ACCSL: variants seen among roughly 807,000 people sequenced by gnomAD.
The protein encoded by ACCSL is probable inactive 1-aminocyclopropane-1-carboxylate synthase-like protein 2.
In ACCSL, 55 loss-of-function variants were observed where a neutral mutation model predicts 61.7. That is an observed-to-expected ratio of 0.89 (90% CI 0.72 to 1.12). The LOEUF is 1.12. Among genes scored for constraint, ACCSL ranks in the 50% most tolerant of loss-of-function variants. The pLI, the probability that ACCSL is intolerant of heterozygous loss-of-function variation, is 0.00. For missense variants in ACCSL, 632 were observed against 698.0 expected (o/e 0.91, Z 1.07); for synonymous variants, 258 against 264.3 (o/e 0.98, Z 0.23).
intron 5 of ACCSL, among the ~76,000 whole-genome samples, chr11:44,052,117 C>A (rs1205425882): frequency 1.3e-5 from 2 of 152,206 alleles, no homozygotes; most frequent in African/African-American, 4.8e-5. Context: ...CTGTTCTGAA[C>A]CTCCCCGGTA....
At chr11:43,992,054 C>CTTTT in the ACCSL span, among the ~76,000 whole-genome samples, 16 of 114,142 alleles carry the variant, frequency 1.4e-4, no homozygotes, top group Non-Finnish European at 1.9e-4. Flanking sequence ...TTCTTTCTTT[C>CTTTT]TTTTTTTTTT....
intron 5 of ACCSL, 71 bp from the exon 6 acceptor site, chr11:44,052,591 T>G: frequency 2.3e-6 from 3 of 1,328,740 alleles, no homozygotes; most frequent in Non-Finnish European, 3.2e-6. Flanking sequence ...GCTTTGCTAG[T>G]TTGGGGAGCC....
the ACCSL span, chr11:43,944,374 G>T: frequency 6.4e-6 from 1 of 156,370 alleles, no homozygotes; most frequent in Non-Finnish European, 1.4e-5. Flanking sequence ...TCGAGAGTGT[G>T]GGTGCGCGCT....
At chr11:44,042,566 C>T in the ACCSL span, among the ~76,000 whole-genome samples, 2 of 151,832 alleles carry the variant, frequency 1.3e-5, no homozygotes, top group African/African-American at 2.4e-5. Flanking sequence ...CATTCTCTTG[C>T]CTCAGCCTCC....
At chr11:44,025,901 A>T in the ACCSL span, among the ~76,000 whole-genome samples, 2 of 152,202 alleles carry the variant, frequency 1.3e-5, no homozygotes, top group Non-Finnish European at 2.9e-5. Context: ...TTCTGATGAA[A>T]AGTCAACTGC....
upstream of ACCSL, among the ~76,000 whole-genome samples, chr11:44,043,212 T>C (rs983405819): frequency 6.6e-6 from 1 of 152,188 alleles, no homozygotes; most frequent in African/African-American, 2.4e-5. Context: ...GCTATCACCA[T>C]CTACCTACCA....
At chr11:43,943,166 G>T in the ACCSL span, 1 of 1,504,930 alleles carries the variant, frequency 6.6e-7, no homozygotes, top group Admixed American at 2.3e-5. The surrounding 1 kb of genome is among the most constrained non-coding windows in gnomAD (Gnocchi z 4.8). Context: ...GCAGAGCCTG[G>T]AGTGCCTGCG....
At chr11:44,006,063 G>T in the ACCSL span, among the ~76,000 whole-genome samples, 307 of 152,308 alleles carry the variant, frequency 2.0e-3, 2 homozygotes, top group East Asian at 0.03. Context: ...CGACCTCCAG[G>T]GTTCCAGCCT....
the ACCSL span, among the ~76,000 whole-genome samples, chr11:43,993,068 C>A: frequency 7.3e-6 from 1 of 137,832 alleles, no homozygotes; most frequent in Non-Finnish European, 1.7e-5. Flanking sequence ...TGTGCTAGAG[C>A]GGAATCACAG....
rs934310225 is a variant in ACCSL, at chr11:44,054,205, A to T, written c.1049+699A>T. On this transcript the variant is annotated intron_variant, in intron 8 of 13. Transcript: ENST00000378832. The stretch of plus-strand genomic sequence containing the variant: ...TGAAGACGTGTTCCTATAGAACTTC[A>T]CATTCCTTTCTAAGAGCACGTTCTA... Among the ~76,000 whole-genome samples, 21 of 152,306 alleles carry T rather than the reference A, an allele frequency of 1.4e-4. No homozygotes were observed. The East Asian group carries it at 3.9e-3, about 28-fold the overall frequency.
chr11:44,054,984 AG>A (rs989842930), intron 8 of ACCSL, among the ~76,000 whole-genome samples: 9 of 152,088 alleles, frequency 5.9e-5, no homozygotes, highest in African/African-American at 1.7e-4. Context: ...CCCCCAAGCT[AG>A]GTCTAAGGGT....
chr11:44,034,838 G>C, the ACCSL span, among the ~76,000 whole-genome samples: 3 of 152,178 alleles, frequency 2.0e-5, no homozygotes, highest in African/African-American at 7.2e-5. Flanking sequence ...AGAGTCCCAG[G>C]CACCCTGAGT....
the ACCSL span, among the ~76,000 whole-genome samples, chr11:44,003,820 C>T: frequency 6.6e-6 from 1 of 152,184 alleles, no homozygotes; most frequent in Non-Finnish European, 1.5e-5. Flanking sequence ...AGGAGCCTGA[C>T]CTGACTGCTG....
chr11:44,053,418 C>T lies in ACCSL; in HGVS notation c.961C>T (p.Arg321Ter), dbSNP rs779808371. Reference protein sequence around the residue: ...LEARLEGKKVRGLVLINPQNP... With the variant: ...LEARLEGKKV Reference sequence around the variant, plus strand: ...GGGTTTTTCTTAGGGGAAAAAGGTCCGAGGCCTTGTGCTAATCAACCCTCA... The same window carrying T: ...GGGTTTTTCTTAGGGGAAAAAGGTCTGAGGCCTTGTGCTAATCAACCCTCA... The change falls in exon 8 of 14, where the codon CGA (arginine) becomes TGA (stop). Residue 321 changes from arginine (R) to a stop codon, truncating the protein, a stop_gained. Coordinates refer to ENST00000378832, the MANE Select transcript of ACCSL (RefSeq NM_001031854.2). LOFTEE classifies it high-confidence loss of function. 1.9e-5 allele frequency: 30 copies of T among 1,613,950 alleles called. No individual in the cohort carries two copies. The highest frequency in any genetic ancestry group is 1.6e-4 in the Middle Eastern group (1 of 6,084).
At chr11:44,045,076 G>A (rs1304460635), upstream of ACCSL, among the ~76,000 whole-genome samples, 4 of 152,314 alleles carry the variant, frequency 2.6e-5, no homozygotes, top group East Asian at 3.9e-4. Context: ...AGAAAGATGA[G>A]TCTTGGCAGA....
At chr11:44,015,372 A>G in the ACCSL span, among the ~76,000 whole-genome samples, 6 of 152,202 alleles carry the variant, frequency 3.9e-5, no homozygotes, top group Non-Finnish European at 7.3e-5. Context: ...CCTGGCTGCA[A>G]AGCCTCTGCT....
At chr11:44,010,327 G>A in the ACCSL span, among the ~76,000 whole-genome samples, 14 of 152,072 alleles carry the variant, frequency 9.2e-5, no homozygotes, top group African/African-American at 2.9e-4. Context: ...TGACAAGAGC[G>A]AAACTCTGTC....
chr11:44,019,087 A>C, the ACCSL span, among the ~76,000 whole-genome samples: 2 of 152,164 alleles, frequency 1.3e-5, no homozygotes, highest in Non-Finnish European at 2.9e-5. Context: ...TTTCTCACTT[A>C]ATGTATGTTT....
At chr11:43,970,391 A>G in the ACCSL span, among the ~76,000 whole-genome samples, 1 of 152,052 alleles carries the variant, frequency 6.6e-6, no homozygotes, top group Non-Finnish European at 1.5e-5. Flanking sequence ...TTTTGTAGAG[A>G]CAAGGTTTCA....
Sources: allele counts gnomAD v4.1 joint callset (sites outside exome capture counted in the v4.1 genomes callset), GRCh38; gene constraint gnomAD v4.1.1; non-coding constraint Gnocchi (gnomAD v3.1); transcripts MANE v1.5; gene names NCBI Gene and HGNC (gene_info 2026-07-23, HGNC 2026-07-21).